BCAN: variants seen among roughly 807,000 people sequenced by gnomAD.
BCAN encodes the protein brevican.
Under a neutral mutation model 92.4 loss-of-function variants are expected in BCAN, and 51 were observed. That is an observed-to-expected ratio of 0.55 (90% CI 0.44 to 0.70). BCAN has a LOEUF of 0.70. Ranked by LOEUF, BCAN falls within the 30% of genes least tolerant of loss-of-function variation. The pLI, the probability that BCAN is intolerant of heterozygous loss-of-function variation, is 0.00. For missense variants in BCAN, 1,140 were observed against 1,212.1 expected (o/e 0.94, Z 0.88); for synonymous variants, 501 against 505.2 (o/e 0.99, Z 0.11).
intron 2 of BCAN, 76 bp from the exon 3 acceptor site, chr1:156,646,725 G>A: frequency 6.7e-7 from 1 of 1,499,150 alleles, no homozygotes; most frequent in African/African-American, 1.4e-5. Flanking sequence ...GGATCCTGGA[G>A]CGGGGCTTGG....
In BCAN at chr1:156,652,768, G is replaced by C. The variant is rs1255209656; in HGVS notation, c.1818G>C (p.Glu606Asp). The C allele has an allele frequency of 6.2e-7, 1 of 1,610,910 alleles. No homozygotes were observed. The highest frequency in any genetic ancestry group is 1.3e-5 in the African/African-American group (1 of 74,964). The change falls in exon 8 of 14, where the codon GAG becomes GAC. Residue 606 changes from glutamate to aspartate, a missense_variant. Coordinates refer to ENST00000329117, the MANE Select transcript of BCAN (RefSeq NM_021948.5). ...CACGGGCCCCTGAGGGTACCAGGGA[G>C]CTGGAGGCCCCCTCTGAAGATAATT... ...PATRAPEGTR[E>D]LEAPSEDNSG...
intron 10 of BCAN, chr1:156,657,308 G>A (rs1679368203): frequency 1.2e-5 from 9 of 745,710 alleles, no homozygotes; most frequent in Non-Finnish European, 1.9e-5. Flanking sequence ...GTGGAGGTTC[G>A]CGCAGTAGAG....
At position 156,658,518 on chromosome 1, in the gene BCAN, A is replaced by C. The variant is rs371097989; in HGVS notation, c.2438-25A>C. ...AACTGTCACCCACAGAGCCAGGCTCAGTTCCTAACTGTCTTCCTTTGCAGT... is the reference window on the plus strand; with the variant it reads ...AACTGTCACCCACAGAGCCAGGCTCCGTTCCTAACTGTCTTCCTTTGCAGT... On this transcript the variant is annotated intron_variant, in intron 12 of 13. Transcript: ENST00000329117. This position sits in a 1 kb window ranked among gnomAD's most constrained non-coding sequence, Gnocchi z 4.4. The C allele has an allele frequency of 1.9e-6, 3 of 1,600,382 alleles. No homozygotes were observed. In the African/African-American group the frequency reaches 4.0e-5, roughly 21 times the overall value.
Position 156,648,719 on chromosome 1 carries a change from T to G in BCAN, c.921T>G (p.Ala307=). Residue 307 remains alanine, a synonymous_variant, in exon 6 of 14, where the codon GCT becomes GCG. Coordinates refer to ENST00000329117, the MANE Select transcript of BCAN (RefSeq NM_021948.5). The part of the protein sequence containing the change: ...GLDHCSPGWL[A]DGSVRYPIVT... The stretch of plus-strand genomic sequence containing the variant: ...ACCACTGCAGCCCAGGGTGGCTAGC[T>G]GATGGCAGTGTGCGCTACCCCATCG... 1 of 1,613,758 alleles carries G rather than the reference T, an allele frequency of 6.2e-7. No individual in the cohort carries two copies. The highest frequency in any genetic ancestry group is 1.3e-5 in the African/African-American group (1 of 75,052).
chr1:156,655,903 C>T (rs1236215922), intron 8 of BCAN, among the ~76,000 whole-genome samples: 1 of 152,188 alleles, frequency 6.6e-6, no homozygotes, highest in Admixed American at 6.5e-5. Flanking sequence ...ATGACCTGCC[C>T]AATATCACAC....
In BCAN at chr1:156,647,090, G is replaced by C; in HGVS notation, c.381G>C (p.Leu127=). The C allele has an allele frequency of 1.2e-6, 2 of 1,608,108 alleles. No homozygotes were observed. The highest frequency in any genetic ancestry group is 1.7e-6 in the Non-Finnish European group (2 of 1,175,676). ...ACGTCTCCCTGGCGCTGAGCGAGCT[G>C]CGCCCCAACGACTCAGGTATCTATC... ...LTDVSLALSE[L]RPNDSGIYRC... Residue 127 remains leucine, a synonymous_variant, in exon 3 of 14, where the codon CTG becomes CTC. Coordinates refer to ENST00000329117, the MANE Select transcript of BCAN (RefSeq NM_021948.5). This position sits in a 1 kb window ranked among gnomAD's most constrained non-coding sequence, Gnocchi z 4.8.
intron 8 of BCAN, among the ~76,000 whole-genome samples, chr1:156,655,196 C>T (rs556509776): frequency 6.6e-6 from 1 of 152,326 alleles, no homozygotes; most frequent in South Asian, 2.1e-4. Context: ...TCATCTGAAC[C>T]AGAAAGGATT....
At position 156,658,297 on chromosome 1, in the gene BCAN, A is replaced by G. The variant is rs57942855; in HGVS notation, c.2437+26A>G. 11,756 of 1,611,204 alleles carry G rather than the reference A, an allele frequency of 7.3e-3. 178 individuals are homozygous for G. The highest frequency in any genetic ancestry group is 0.042 in the South Asian group (3,829 of 90,510). Reference sequence around the variant, plus strand: ...GTGAGGGCAGGCAAAGGAGGGTCCCAGCAAGGAAGTGGAGGGGTGGGCTAG... The same window carrying G: ...GTGAGGGCAGGCAAAGGAGGGTCCCGGCAAGGAAGTGGAGGGGTGGGCTAG... On this transcript the variant is annotated intron_variant, in intron 12 of 13. Transcript: ENST00000329117. The surrounding 1 kb of genome is among the most constrained non-coding windows in gnomAD (Gnocchi z 4.4).
In BCAN at chr1:156,652,258, A is replaced by G. The variant is rs368105991; in HGVS notation, c.1308A>G (p.Thr436=). Residue 436 remains threonine, a synonymous_variant, in exon 8 of 14, where the codon ACA becomes ACG. Transcript: ENST00000329117. ...EAPRTLLEFE[T]QSMVPPTGFS... is the part of the protein sequence containing the mutation. ...TTGTGCTTTGCCTAGAATTTGAAAC[A>G]CAATCCATGGTACCGCCCACGGGGT... The G allele has an allele frequency of 2.0e-5, 31 of 1,588,704 alleles. No individual in the cohort carries two copies. Among genetic ancestry groups the G allele is most frequent in the African/African-American group, 5.4e-5 (4 of 74,196 alleles).
chr1:156,651,439 C>T lies in BCAN; in HGVS notation c.1064-17C>T, dbSNP rs1473893592. On this transcript the variant is annotated splice_polypyrimidine_tract_variant and intron_variant, in intron 6 of 13. Transcript: ENST00000329117. ...CTACCTATTCAGGCTCGCATCAATA[C>T]TTTCCTCCTGCCACAGACTCGGCCC... 1 of 1,605,188 alleles carries T rather than the reference C, an allele frequency of 6.2e-7. No individual in the cohort carries two copies. The highest frequency in any genetic ancestry group is 1.7e-5 in the Admixed American group (1 of 59,932).
chr1:156,652,338 A>C lies in BCAN; in HGVS notation c.1388A>C (p.Glu463Ala). ...GAAGAAGAGAAATATGAAGATGAAG[A>C]AGAGAAAGAGGAGGAAGAAGAAGAG... is the stretch of plus-strand genomic sequence containing the variant. ...LEEEEKYEDE[E>A]EKEEEEEEEE... Residue 463 changes from glutamate to alanine, a missense_variant, in exon 8 of 14, where the codon GAA becomes GCA. Coordinates refer to ENST00000329117, the MANE Select transcript of BCAN (RefSeq NM_021948.5). 1 of 1,614,058 alleles carries C rather than the reference A, an allele frequency of 6.2e-7. No homozygotes were observed.
At chr1:156,656,427 G>C in intron 9 of BCAN, 38 bp downstream of exon 9, 1 of 1,308,984 alleles carries the variant, frequency 7.6e-7, no homozygotes, top group Non-Finnish European at 9.9e-7. Context: ...TTGAAGCCTG[G>C]ACCCTGCCAC....
intron 11 of BCAN, 139 bp from the exon 12 acceptor site, chr1:156,657,988 C>G (rs759807328): frequency 1.1e-4 from 111 of 1,050,988 alleles, no homozygotes; most frequent in Non-Finnish European, 1.4e-4. Context: ...TTTCCCCTTC[C>G]CCGGGAGATC....
At chr1:156,656,578 T>C (rs1336423071) in intron 9 of BCAN, among the ~76,000 whole-genome samples, 189 bp downstream of exon 9, 2 of 152,150 alleles carry the variant, frequency 1.3e-5, no homozygotes, top group African/African-American at 2.4e-5. Context: ...ATGCCTCTCA[T>C]AGGGGGTCCA....
chr1:156,650,754 C>A (rs1571444239), intron 6 of BCAN, among the ~76,000 whole-genome samples: 2 of 152,258 alleles, frequency 1.3e-5, no homozygotes. Flanking sequence ...ATCAGCCTGG[C>A]AAACACGGGG....
At position 156,657,672 on chromosome 1, in the gene BCAN, T is replaced by C; in HGVS notation, c.2210-3T>C. On this transcript the variant is annotated splice_region_variant and splice_polypyrimidine_tract_variant and intron_variant, in intron 10 of 13. Coordinates refer to ENST00000329117, the MANE Select transcript of BCAN (RefSeq NM_021948.5). ...CGCTCACTGCACGCCTTCGTCTCCC[T>C]AGACCGGTACCGGGAGTACCAGTGG... 6.2e-7 allele frequency: 1 copy of C among 1,609,090 alleles called. No individual in the cohort carries two copies. Among genetic ancestry groups the C allele is most frequent in the Non-Finnish European group, 8.5e-7 (1 of 1,178,412 alleles).
Position 156,658,510 on chromosome 1 carries a change from C to G in BCAN, c.2438-33C>G. ...ATTCTGGGAACTGTCACCCACAGAGCCAGGCTCAGTTCCTAACTGTCTTCC... is the reference window on the plus strand; with the variant it reads ...ATTCTGGGAACTGTCACCCACAGAGGCAGGCTCAGTTCCTAACTGTCTTCC... On this transcript the variant is annotated intron_variant, in intron 12 of 13. Coordinates refer to ENST00000329117, the MANE Select transcript of BCAN (RefSeq NM_021948.5). The surrounding 1 kb of genome is among the most constrained non-coding windows in gnomAD (Gnocchi z 4.4). 1 of 1,595,034 alleles carries G rather than the reference C, an allele frequency of 6.3e-7. No homozygotes were observed. The highest frequency in any genetic ancestry group is 8.6e-7 in the Non-Finnish European group (1 of 1,166,832).
At chr1:156,650,233 T>A (rs1021697162) in intron 6 of BCAN, among the ~76,000 whole-genome samples, 5 of 151,866 alleles carry the variant, frequency 3.3e-5, no homozygotes, top group Admixed American at 6.6e-5. Flanking sequence ...TGGAAAGAAA[T>A]GGCCTGGATC....
At chr1:156,656,077 C>T (rs369537792) in intron 8 of BCAN, among the ~76,000 whole-genome samples, 3 of 152,204 alleles carry the variant, frequency 2.0e-5, no homozygotes, top group African/African-American at 4.8e-5. Context: ...ATGCTGAAGT[C>T]GGGAGCGGGA....
Sources: gnomAD v4.1 joint callset for allele counts (sites outside exome capture counted in the v4.1 genomes callset) on GRCh38, gnomAD v4.1.1 for gene constraint, Gnocchi (gnomAD v3.1) non-coding constraint, MANE v1.5 for transcripts, NCBI Gene and HGNC (gene_info 2026-07-23, HGNC 2026-07-21) for gene names.